The following SMIM36 variants were observed in gnomAD, a reference collection of about 807,000 sequenced individuals.
SMIM36 encodes the protein small integral membrane protein 36.
chr17:55,530,748 A>G, the SMIM36 span, among the ~76,000 whole-genome samples: 10 of 151,928 alleles, frequency 6.6e-5, no homozygotes, highest in Admixed American at 6.6e-4. Context: ...GTGCCACTGT[A>G]CTCCAGCCTG....
chr17:55,496,340 A>G (rs1909806710), intron 1 of SMIM36, among the ~76,000 whole-genome samples: 1 of 152,196 alleles, frequency 6.6e-6, no homozygotes, highest in Non-Finnish European at 1.5e-5. Context: ...GAGAACCAGC[A>G]GATCCCAGCA....
the SMIM36 span, among the ~76,000 whole-genome samples, chr17:55,526,467 CTA>C: frequency 1.3e-5 from 2 of 152,078 alleles, no homozygotes; most frequent in Non-Finnish European, 2.9e-5. Flanking sequence ...CCGAGAAAGA[CTA>C]TTATTATCCC....
At chr17:55,480,957 A>T (rs1204623333) in intron 1 of SMIM36, among the ~76,000 whole-genome samples, 1 of 152,184 alleles carries the variant, frequency 6.6e-6, no homozygotes, top group Non-Finnish European at 1.5e-5. Context: ...TCTTGAATTT[A>T]GCTGTCTTAC....
In SMIM36 at chr17:55,500,136, T is replaced by G. The variant is rs555493842; in HGVS notation, c.*174+10743A>C. 2.2e-3 allele frequency among the ~76,000 whole-genome samples: 339 copies of G among 152,150 alleles called. 2 individuals are homozygous for G. The highest frequency in any genetic ancestry group is 7.7e-3 in the African/African-American group (321 of 41,506). On this transcript the variant is annotated intron_variant, in intron 1 of 4. Coordinates refer to ENST00000636752, the Ensembl canonical transcript of SMIM36. ...CTGGTAATTAAAAAAAATTTTTTTT[T>G]TAGAGACAGGGCCGTGCTCTGTTAC...
chr17:55,519,166 C>T, the SMIM36 span, among the ~76,000 whole-genome samples: 1 of 152,050 alleles, frequency 6.6e-6, no homozygotes, highest in Non-Finnish European at 1.5e-5. Context: ...GTGTTGAATT[C>T]CCCTTTGACA....
chr17:55,491,875 C>T (rs955358633), intron 1 of SMIM36, among the ~76,000 whole-genome samples: 2 of 152,170 alleles, frequency 1.3e-5, no homozygotes, highest in Non-Finnish European at 1.5e-5. Flanking sequence ...AGAGAGCAAA[C>T]TAGGCGGGGC....
Position 55,500,996 on chromosome 17 carries a change from T to C in SMIM36, c.*174+9883A>G, listed in dbSNP as rs1223823351. On this transcript the variant is annotated intron_variant, in intron 1 of 4. Coordinates refer to ENST00000636752, the Ensembl canonical transcript of SMIM36. Reference sequence around the variant, plus strand: ...TATTATAATATATTATATATTATAATATGTAACATATTATTATATTTTGTA... The same window carrying C: ...TATTATAATATATTATATATTATAACATGTAACATATTATTATATTTTGTA... 2.6e-3 allele frequency among the ~76,000 whole-genome samples: 127 copies of C among 48,990 alleles called. 35 individuals are homozygous for C. The highest frequency in any genetic ancestry group is 5.5e-3 in the African/African-American group (78 of 14,084). The allele number at this position is 48,990 out of a possible 152,430, so 32.1% of individuals were successfully genotyped here. A position where few individuals can be genotyped will look rare whatever the true frequency, so the allele number is the denominator to read the frequency against.
chr17:55,524,132 T>A, the SMIM36 span, among the ~76,000 whole-genome samples: 1 of 152,148 alleles, frequency 6.6e-6, no homozygotes, highest in Non-Finnish European at 1.5e-5. Context: ...GTCTATAAAT[T>A]CTCATCATTC....
chr17:55,501,419 TATA>T lies in SMIM36; in HGVS notation c.*174+9457_*174+9459del, dbSNP rs1421399691. 1.9e-3 allele frequency among the ~76,000 whole-genome samples: 42 copies of T among 22,330 alleles called. 5 individuals are homozygous for T. Among genetic ancestry groups the T allele is most frequent in the African/African-American group, 8.6e-3 (41 of 4,760 alleles). The allele number at this position is 22,330 out of a possible 152,430, so 14.6% of individuals were successfully genotyped here. On this transcript the variant is annotated intron_variant, in intron 1 of 4. Transcript: ENST00000636752. ...TTATATATTATTATATATTATAAAA[TATA>T]ATATATTATTATATATTATAAAATA... is the stretch of plus-strand genomic sequence containing the variant.
intron 1 of SMIM36, among the ~76,000 whole-genome samples, chr17:55,499,574 C>T (rs1909872299): frequency 6.6e-6 from 1 of 152,174 alleles, no homozygotes. Context: ...CTCCATTTAT[C>T]TCCCTCCCTT....
chr17:55,515,041 A>T (rs1429117315), upstream of SMIM36, among the ~76,000 whole-genome samples: 1 of 149,104 alleles, frequency 6.7e-6, no homozygotes, highest in Non-Finnish European at 1.5e-5. Flanking sequence ...ATAGTAAATG[A>T]CAGAAGCAAG....
intron 1 of SMIM36, among the ~76,000 whole-genome samples, chr17:55,487,599 T>C (rs997663591): frequency 2.0e-5 from 3 of 152,096 alleles, no homozygotes; most frequent in South Asian, 2.1e-4. Flanking sequence ...TGGGGGAGGA[T>C]AGCAACAAAT....
At chr17:55,480,659 A>G (rs1909504440) in intron 1 of SMIM36, among the ~76,000 whole-genome samples, 2 of 152,206 alleles carry the variant, frequency 1.3e-5, no homozygotes, top group South Asian at 4.1e-4. Context: ...ATATGGGCAG[A>G]ATTTCATAGA....
the SMIM36 span, among the ~76,000 whole-genome samples, chr17:55,524,059 GTCT>G: frequency 6.6e-6 from 1 of 151,946 alleles, no homozygotes; most frequent in East Asian, 1.9e-4. Context: ...ATTTTTTCTG[GTCT>G]TCTCCCTCCT....
the SMIM36 span, among the ~76,000 whole-genome samples, chr17:55,523,941 G>T: frequency 4.0e-5 from 6 of 151,402 alleles, no homozygotes; most frequent in African/African-American, 1.2e-4. Context: ...TTTTATTTTA[G>T]GTTCAGGGGT....
chr17:55,488,835 C>G (rs1162815096), intron 1 of SMIM36, among the ~76,000 whole-genome samples: 1 of 152,126 alleles, frequency 6.6e-6, no homozygotes, highest in Non-Finnish European at 1.5e-5. Context: ...TATATCTGAT[C>G]AAACGGCCCT....
chr17:55,460,707 A>G (rs1909132829), intron 4 of SMIM36, among the ~76,000 whole-genome samples: 1 of 151,866 alleles, frequency 6.6e-6, no homozygotes, highest in South Asian at 2.1e-4. Flanking sequence ...AATACAAAAA[A>G]ATTAGCTGGG....
chr17:55,530,715 A>G, the SMIM36 span, among the ~76,000 whole-genome samples: 43 of 152,214 alleles, frequency 2.8e-4, no homozygotes, highest in Non-Finnish European at 4.3e-4. Context: ...CCCAGGAGGC[A>G]GAGGGTGTAG....
intron 3 of SMIM36, among the ~76,000 whole-genome samples, chr17:55,477,930 T>G (rs1567865894): frequency 6.6e-6 from 1 of 152,150 alleles, no homozygotes; most frequent in East Asian, 1.9e-4. Flanking sequence ...CATGTCCTAG[T>G]TACCAAGGAA....
Sources: allele counts gnomAD v4.1 joint callset (sites outside exome capture counted in the v4.1 genomes callset), GRCh38; gene constraint gnomAD v4.1.1; transcripts MANE v1.5; gene names NCBI Gene and HGNC (gene_info 2026-07-23, HGNC 2026-07-21).